Variants in CFAP44 observed in about 807,000 individuals in gnomAD.
CFAP44 encodes cilia- and flagella-associated protein 44.
A neutral mutation model predicts 216.2 loss-of-function variants in CFAP44; 134 were observed. The observed-to-expected ratio is 0.62, with a 90% CI of 0.54 to 0.72. The LOEUF is 0.72. Among genes scored for constraint, CFAP44 ranks in the 30% least tolerant of loss-of-function variants. The pLI, the probability that CFAP44 is intolerant of heterozygous loss-of-function variation, is 0.00. For missense variants in CFAP44, 2,035 were observed against 2,182.1 expected (o/e 0.93, Z 1.34); for synonymous variants, 700 against 727.6 (o/e 0.96, Z 0.61).
At chr3:113,294,582 T>A in intron 34 of CFAP44, 105 bp downstream of exon 34, 3 of 1,397,726 alleles carry the variant, frequency 2.1e-6, no homozygotes, top group Non-Finnish European at 2.8e-6. Flanking sequence ...TGGTCCAAGA[T>A]CAAGCAAGGT....
chr3:113,399,105 G>T (rs1934068829), intron 13 of CFAP44, among the ~76,000 whole-genome samples: 2 of 152,186 alleles, frequency 1.3e-5, no homozygotes, highest in African/African-American at 4.8e-5. Flanking sequence ...TGGAGAGGGT[G>T]TTAGGTATAA....
At chr3:113,297,663 G>A (rs1274434695) in intron 32 of CFAP44, among the ~76,000 whole-genome samples, 2 of 151,834 alleles carry the variant, frequency 1.3e-5, no homozygotes, top group East Asian at 3.9e-4. Flanking sequence ...TTTCTTCTTA[G>A]CAACTAACTA....
intron 4 of CFAP44, among the ~76,000 whole-genome samples, chr3:113,423,108 T>G (rs1934863299): frequency 2.2e-5 from 2 of 90,676 alleles, no homozygotes; most frequent in African/African-American, 9.3e-5. Context: ...ATCCTTCCTT[T>G]TTTTTTTTTT....
In CFAP44 at chr3:113,333,400, A is replaced by T; in HGVS notation, c.3615+6T>A. 6.5e-7 allele frequency: 1 copy of T among 1,535,778 alleles called. No individual in the cohort carries two copies. The highest frequency in any genetic ancestry group is 1.2e-5 in the South Asian group (1 of 83,598). Reference sequence around the variant, plus strand: ...CTCCATTGTCATAAAATCTGTAGATAAGTACCAAAGAATCTAGGTGTCCTA... The same window carrying T: ...CTCCATTGTCATAAAATCTGTAGATTAGTACCAAAGAATCTAGGTGTCCTA... On this transcript the variant is annotated splice_donor_region_variant and intron_variant, in intron 25 of 34. Coordinates refer to ENST00000393845, the MANE Select transcript of CFAP44 (RefSeq NM_001164496.2).
chr3:113,329,628 C>T (rs1442965596), intron 26 of CFAP44, among the ~76,000 whole-genome samples: 2 of 152,164 alleles, frequency 1.3e-5, no homozygotes, highest in African/African-American at 4.8e-5. Flanking sequence ...ACATCCTGCC[C>T]AACAGGCCCT....
chr3:113,413,972 T>C (rs1488700037), intron 6 of CFAP44, among the ~76,000 whole-genome samples: 3 of 152,242 alleles, frequency 2.0e-5, no homozygotes, highest in Non-Finnish European at 4.4e-5. Context: ...TTTCACAACA[T>C]TGATTCTTTC....
At position 113,373,459 on chromosome 3, in the gene CFAP44, C is replaced by T. The variant is rs143011495; in HGVS notation, c.2396G>A (p.Arg799His). 2.2e-4 allele frequency: 360 copies of T among 1,607,404 alleles called. 1 individual carries two copies. In the African/African-American group the frequency reaches 3.4e-3, roughly 15 times the overall value. Reference sequence around the variant, plus strand: ...ATTGTCCTCTGTATCCGCAAGATAACGGACATCAATAGGTTCATCTTTTTG... The same window carrying T: ...ATTGTCCTCTGTATCCGCAAGATAATGGACATCAATAGGTTCATCTTTTTG... ...KEQKDEPIDVRYLADTEDNPI... is the reference protein window; with the variant it reads ...KEQKDEPIDVHYLADTEDNPI... Residue 799 changes from arginine to histidine, a missense_variant, in exon 18 of 35, where the codon CGT becomes CAT. Transcript: ENST00000393845.
At chr3:113,298,780 G>C (rs764619687) in intron 32 of CFAP44, among the ~76,000 whole-genome samples, 1 of 152,148 alleles carries the variant, frequency 6.6e-6, no homozygotes, top group African/African-American at 2.4e-5. Context: ...GAAGTACTTC[G>C]AGTAGTCAAG....
chr3:113,441,461 C>A lies in CFAP44; in HGVS notation c.-14G>T. ...CTGAGGTCCAAACTCACCGAAGGTA[C>A]TGACCGCCGCGGCTCCTCTCTTCAC... On this transcript the variant is annotated 5_prime_UTR_variant, in exon 1 of 35. Coordinates refer to ENST00000393845, the MANE Select transcript of CFAP44 (RefSeq NM_001164496.2). 1.0e-6 allele frequency: 1 copy of A among 985,032 alleles called. No homozygotes were observed. Among genetic ancestry groups the A allele is most frequent in the African/African-American group, 1.8e-5 (1 of 56,834 alleles). The allele number at this position is 985,032 out of a possible 1,614,324, so 61.0% of individuals were successfully genotyped here. A position where few individuals can be genotyped will look rare whatever the true frequency, so the allele number is the denominator to read the frequency against.
At chr3:113,409,414 G>C (rs1934391174) in intron 6 of CFAP44, 92 bp from the exon 7 acceptor site, 2 of 1,149,702 alleles carry the variant, frequency 1.7e-6, no homozygotes, top group African/African-American at 1.6e-5. Flanking sequence ...GTCAGCCCAT[G>C]GTGATGTAAG....
chr3:113,354,281 G>A (rs1313576172), intron 22 of CFAP44, among the ~76,000 whole-genome samples: 5 of 152,194 alleles, frequency 3.3e-5, no homozygotes, highest in African/African-American at 1.2e-4. Flanking sequence ...ACCCAGGAAA[G>A]CTGAGAGAAT....
At chr3:113,398,935 T>C (rs1479620564) in intron 13 of CFAP44, among the ~76,000 whole-genome samples, 4 of 152,202 alleles carry the variant, frequency 2.6e-5, no homozygotes, top group African/African-American at 9.6e-5. Context: ...CCCAATCAAG[T>C]ATGGTAGAAG....
At chr3:113,293,927 A>C (rs775216) in intron 34 of CFAP44, 4 of 453,272 alleles carry the variant, frequency 8.8e-6, no homozygotes, top group South Asian at 6.3e-5. Context: ...AAGCAGTACA[A>C]CTGGGTTGGG....
chr3:113,360,676 GCT>G (rs2107310583), intron 21 of CFAP44: 1 of 155,410 alleles, frequency 6.4e-6, no homozygotes, highest in African/African-American at 2.4e-5. Context: ...CTGAGCAGCT[GCT>G]CTAACTGGAG....
At chr3:113,352,805 A>T (rs1216305421) in intron 22 of CFAP44, among the ~76,000 whole-genome samples, 3 of 152,216 alleles carry the variant, frequency 2.0e-5, no homozygotes, top group African/African-American at 7.2e-5. Context: ...AAGGATGCAG[A>T]TTATTCAACC....
intron 18 of CFAP44, among the ~76,000 whole-genome samples, chr3:113,371,368 G>T (rs1017278696): frequency 6.6e-6 from 1 of 152,126 alleles, no homozygotes; most frequent in Non-Finnish European, 1.5e-5. Context: ...CATGGTACTG[G>T]TACCAAAACA....
chr3:113,336,300 T>C (rs964225678), intron 24 of CFAP44, among the ~76,000 whole-genome samples: 1 of 151,978 alleles, frequency 6.6e-6, no homozygotes, highest in African/African-American at 2.4e-5. Context: ...AAAAGATCTA[T>C]AACATGGGTA....
Position 113,344,550 on chromosome 3 carries a change from C to G in CFAP44, c.3228G>C (p.Glu1076Asp). ...TCTGGCTGTCCTTTCTTCCAGGTCC[C>G]TCTTTTTCAAACCTGTCCAATTTGC... ...KPSKLDRFEK[E>D]GPGRKDSQRD... is the part of the protein sequence containing the mutation. Residue 1076 changes from glutamate (E) to aspartate (D), a missense_variant, in exon 23 of 35, where the codon GAG becomes GAC. By Grantham distance (45) the Glu-to-Asp change is conservative. Transcript: ENST00000393845. 3.9e-6 allele frequency: 6 copies of G among 1,536,984 alleles called. No individual in the cohort carries two copies. Among genetic ancestry groups the G allele is most frequent in the East Asian group, 2.4e-5 (1 of 40,896 alleles).
intron 28 of CFAP44, among the ~76,000 whole-genome samples, chr3:113,315,650 C>T (rs139975019): frequency 7.1e-4 from 108 of 152,240 alleles, no homozygotes; most frequent in African/African-American, 2.5e-3. Flanking sequence ...TGACTTAAAA[C>T]GTTTTGACTT....
Sources: allele counts gnomAD v4.1 joint callset (sites outside exome capture counted in the v4.1 genomes callset), GRCh38; gene constraint gnomAD v4.1.1; transcripts MANE v1.5; gene names NCBI Gene and HGNC (gene_info 2026-07-23, HGNC 2026-07-21).